The following PDPK1 variants were observed in gnomAD, a reference collection of about 807,000 sequenced individuals.
The protein encoded by PDPK1 is 3-phosphoinositide-dependent protein kinase 1.
Under a neutral mutation model 39.8 loss-of-function variants are expected in PDPK1, and 7 were observed. That is an observed-to-expected ratio of 0.18 (90% CI 0.10 to 0.33). The LOEUF (loss-of-function observed/expected upper bound fraction) is 0.33. Ranked by LOEUF, PDPK1 falls within the 10% of genes least tolerant of loss-of-function variation. PDPK1 has a pLI of 1.00. For missense variants in PDPK1, 182 were observed against 384.7 expected, an observed-to-expected ratio of 0.47 and a Z score of 4.41; for synonymous variants, 118 against 159.1, an observed-to-expected ratio of 0.74 and a Z score of 1.95.
At position 2,580,124 on chromosome 16, in the gene PDPK1, C is replaced by A. The variant is rs1360595061; in HGVS notation, c.786-1171C>A. Among the ~76,000 whole-genome samples, 15 of 148,118 alleles carry A rather than the reference C, an allele frequency of 1.0e-4. 1 individual carries two copies. The highest frequency in any genetic ancestry group is 2.2e-4 in the Non-Finnish European group (15 of 67,204). Reference sequence around the variant, plus strand: ...TTTATGCCATTCGAGTCACGTTGGACAAGCAGTTTTGAGCCCTGCATGATT... The same window carrying A: ...TTTATGCCATTCGAGTCACGTTGGAAAAGCAGTTTTGAGCCCTGCATGATT... On this transcript the variant is annotated intron_variant, in intron 7 of 13. Transcript: ENST00000342085.
At chr16:2,595,964 G>A (rs1005273) in intron 12 of PDPK1, 114 bp downstream of exon 12, 338,388 of 810,414 alleles carry the variant, frequency 0.42, 75,227 homozygotes, top group African/African-American at 0.54. Context: ...ATTTTCATCA[G>A]ACATCATCTC....
At position 2,600,122 on chromosome 16, in the gene PDPK1, C is replaced by T. The variant is rs551022507; in HGVS notation, c.*2355C>T. On this transcript the variant is annotated 3_prime_UTR_variant, in exon 14 of 14. Transcript: ENST00000342085. ...ACCCTGTGCTTGCTCATGTCTACTC[C>T]GGTTTTCTCTACCACATCCTTAGAG... is the stretch of plus-strand genomic sequence containing the variant. The T allele has an allele frequency of 4.3e-5, 10 of 233,226 alleles. No individual in the cohort carries two copies. Among genetic ancestry groups the T allele is most frequent in the African/African-American group, 8.8e-5 (4 of 45,418 alleles). 14.4% of individuals were successfully genotyped at this position (233,226 alleles called of 1,614,324 possible).
rs1423615874 is a variant in PDPK1, at chr16:2,597,187, C to T, written c.1466C>T (p.Pro489Leu). The T allele has an allele frequency of 6.3e-7, 1 of 1,592,482 alleles. No homozygotes were observed. Among genetic ancestry groups the T allele is most frequent in the African/African-American group, 1.3e-5 (1 of 74,566 alleles). ...GGACCACATTTATATTATGTGGATC[C>T]TGTCAACAAAGTTCTGAAAGGTGAA... ...TEGPHLYYVD[P>L]VNKVLKGEIP... The change falls in exon 13 of 14, where the codon CCT becomes CTT. Residue 489 changes from proline to leucine, a missense_variant. Transcript: ENST00000342085. This position sits in a 1 kb window ranked among gnomAD's most constrained non-coding sequence, Gnocchi z 6.3.
At chr16:2,538,619 A>G (rs1241122532) in intron 1 of PDPK1, 1 of 1,288,908 alleles carries the variant, frequency 7.8e-7, no homozygotes, top group Admixed American at 2.3e-5. Flanking sequence ...CCTTTTCCAG[A>G]TTCTTGATGA....
intron 11 of PDPK1, among the ~76,000 whole-genome samples, chr16:2,589,166 G>A (rs2066937487): frequency 6.6e-6 from 1 of 152,160 alleles, no homozygotes; most frequent in African/African-American, 2.4e-5. Flanking sequence ...ATGTTGGCCA[G>A]TCTGGTTTCG....
At chr16:2,558,766 G>A (rs1310271643) in intron 2 of PDPK1, among the ~76,000 whole-genome samples, 5 of 146,182 alleles carry the variant, frequency 3.4e-5, no homozygotes, top group Non-Finnish European at 7.4e-5. Context: ...CGCCGTGTGC[G>A]TGCTAGGGCC....
chr16:2,538,201 G>T (rs1394309603), intron 1 of PDPK1, 65 bp downstream of exon 1: 8 of 915,532 alleles, frequency 8.7e-6, no homozygotes, highest in Admixed American at 5.7e-5. Flanking sequence ...CGGCCGCCCG[G>T]GTCCGGCGAG....
intron 1 of PDPK1, among the ~76,000 whole-genome samples, chr16:2,553,390 A>C (rs2066454017): frequency 8.3e-6 from 1 of 121,160 alleles, no homozygotes; most frequent in Non-Finnish European, 1.7e-5. Context: ...TTGTTCTGTC[A>C]CCCCTGCTGG....
intron 11 of PDPK1, among the ~76,000 whole-genome samples, chr16:2,595,118 G>A (rs996426254): frequency 6.6e-6 from 1 of 152,160 alleles, no homozygotes; most frequent in African/African-American, 2.4e-5. Flanking sequence ...GCAAGACTTT[G>A]TCTCTAAAAA....
chr16:2,597,794 G>A lies in PDPK1; in HGVS notation c.*27G>A, dbSNP rs757267684. On this transcript the variant is annotated 3_prime_UTR_variant, in exon 14 of 14. Transcript: ENST00000342085. The surrounding 1 kb of genome is among the most constrained non-coding windows in gnomAD (Gnocchi z 6.3). Reference sequence around the variant, plus strand: ...GTGGCCTGCGGCCGGGCTGCCCTTCGCTGCCAGGACACCTGCCCCAGCGCG... The same window carrying A: ...GTGGCCTGCGGCCGGGCTGCCCTTCACTGCCAGGACACCTGCCCCAGCGCG... 2.9e-5 allele frequency: 44 copies of A among 1,509,668 alleles called. No homozygotes were observed. Among genetic ancestry groups the A allele is most frequent in the East Asian group, 6.8e-5 (3 of 44,340 alleles). The allele number at this position is 1,509,668 out of a possible 1,614,324, so 93.5% of individuals were successfully genotyped here.
rs2067161441 is a variant in PDPK1, at chr16:2,599,097, G to C, written c.*1330G>C. The stretch of plus-strand genomic sequence containing the variant: ...TGGCCTTGCCCCGCTCTGCAGCACA[G>C]ACAGGCCAGATGCATTTGTCCTTTG... On this transcript the variant is annotated 3_prime_UTR_variant, in exon 14 of 14. Coordinates refer to ENST00000342085, the MANE Select transcript of PDPK1 (RefSeq NM_002613.5). 4.3e-6 allele frequency: 1 copy of C among 233,356 alleles called. No individual in the cohort carries two copies. The highest frequency in any genetic ancestry group is 1.8e-4 in the South Asian group (1 of 5,532). The allele number at this position is 233,356 out of a possible 1,614,324, so 14.5% of individuals were successfully genotyped here. A position where few individuals can be genotyped will look rare whatever the true frequency, so the allele number is the denominator to read the frequency against.
chr16:2,585,497 G>A (rs2066850105), intron 10 of PDPK1, among the ~76,000 whole-genome samples: 1 of 152,246 alleles, frequency 6.6e-6, no homozygotes, highest in Admixed American at 6.5e-5. Context: ...CAGCCAGGGA[G>A]GTTGGCCATG....
At chr16:2,539,155 C>T (rs1480105482) in intron 1 of PDPK1, 2 of 172,226 alleles carry the variant, frequency 1.2e-5, no homozygotes, top group Non-Finnish European at 2.5e-5. Context: ...TCTCAGCTCA[C>T]TGCAACCTCC....
intron 1 of PDPK1, chr16:2,538,415 C>T (rs2066177587): frequency 7.7e-6 from 3 of 390,532 alleles, no homozygotes; most frequent in East Asian, 7.2e-5. Context: ...CCCGGCCCAG[C>T]GGGGTGGAAG....
chr16:2,544,116 C>T (rs1473273514), intron 1 of PDPK1, among the ~76,000 whole-genome samples: 1 of 152,114 alleles, frequency 6.6e-6, no homozygotes, highest in Non-Finnish European at 1.5e-5. Context: ...TCTTGTTTTT[C>T]TAATATTTTC....
rs2066885675 is a variant in PDPK1 at position 2,586,766 on chromosome 16, C to G, written c.1216C>G (p.Gln406Glu). 1 of 1,614,040 alleles carries G rather than the reference C, an allele frequency of 6.2e-7. No individual in the cohort carries two copies. Among genetic ancestry groups the G allele is most frequent in the Non-Finnish European group, 8.5e-7 (1 of 1,179,964 alleles). Residue 406 changes from glutamine to glutamate, a missense_variant, in exon 11 of 14, where the codon CAG becomes GAG. Around this residue, in one of 5 missense-constraint regions of PDPK1, gnomAD observed 90 missense variants for 111.9 expected, o/e 0.80. Transcript: ENST00000342085. ...SLSASDTGLP[Q>E]RSGSNIEQYI... Reference sequence around the variant, plus strand: ...GTCAGCCTCCGACACGGGCCTGCCCCAGAGGTCAGGCAGCAACATAGAGCA... The same window carrying G: ...GTCAGCCTCCGACACGGGCCTGCCCGAGAGGTCAGGCAGCAACATAGAGCA...
chr16:2,544,256 C>T (rs2066293987), intron 1 of PDPK1, among the ~76,000 whole-genome samples: 2 of 152,104 alleles, frequency 1.3e-5, no homozygotes, highest in Admixed American at 1.3e-4. Context: ...AAGCAGCATG[C>T]CCAGTATAAC....
chr16:2,597,250 A>G lies in PDPK1; in HGVS notation c.1529A>G (p.Asn510Ser). The G allele has an allele frequency of 1.9e-6, 3 of 1,594,928 alleles. No homozygotes were observed. The highest frequency in any genetic ancestry group is 2.6e-6 in the Non-Finnish European group (3 of 1,164,840). ...CAAGAACTTCGACCAGAGGCCAAGA[A>G]TTTTAAAACTTTCTTTGTCCACACG... ...WSQELRPEAK[N>S]FKTFFVHTPN... is the part of the protein sequence containing the mutation. The change falls in exon 13 of 14, where the codon AAT (asparagine) becomes AGT (serine). Residue 510 changes from asparagine to serine, a missense_variant. This residue lies in a region of PDPK1 where 67 missense variants were observed against 87.8 expected (regional missense o/e 0.76). Transcript: ENST00000342085. This position sits in a 1 kb window ranked among gnomAD's most constrained non-coding sequence, Gnocchi z 6.3.
chr16:2,586,254 A>G (rs550185528), intron 10 of PDPK1, among the ~76,000 whole-genome samples: 3 of 152,354 alleles, frequency 2.0e-5, no homozygotes, highest in South Asian at 4.1e-4. Context: ...GGGCCCAACA[A>G]GGTCTTGCAC....
Sources: allele counts gnomAD v4.1 joint callset (sites outside exome capture counted in the v4.1 genomes callset), GRCh38; gene constraint gnomAD v4.1.1; regional missense constraint gnomAD v4.1.1; non-coding constraint Gnocchi (gnomAD v3.1); transcripts MANE v1.5; gene names NCBI Gene and HGNC (gene_info 2026-07-23, HGNC 2026-07-21).